The following PLEKHF2 variants were observed in gnomAD, a reference collection of about 807,000 sequenced individuals.
PLEKHF2 encodes the protein pleckstrin homology and FYVE domain containing 2, also known as pleckstrin homology domain-containing family F member 2.
PLEKHF2 carries 4 observed loss-of-function variants against 14.7 expected under a neutral mutation model. That is an observed-to-expected ratio of 0.27 (90% confidence interval 0.13 to 0.62). PLEKHF2 has a LOEUF of 0.62. PLEKHF2 is among the 20% of genes least tolerant of loss of function. The probability of loss-of-function intolerance (pLI) is 0.85; values close to 1 mark genes in which losing one functional copy is unlikely to be tolerated. For missense variants in PLEKHF2, 201 were observed against 307.7 expected, an observed-to-expected ratio of 0.65 and a Z score of 2.60; for synonymous variants, 90 against 103.5, an observed-to-expected ratio of 0.87 and a Z score of 0.79.
intron 1 of PLEKHF2, chr8:95,134,480 A>G (rs1407582205): frequency 6.6e-6 from 1 of 152,088 alleles, no homozygotes; most frequent in Non-Finnish European, 1.5e-5. Flanking sequence ...CTGGCCGAAA[A>G]GTTTGCAGGG....
rs750958489 is a variant in PLEKHF2, at chr8:95,154,285, C to T, written c.241C>T (p.Pro81Ser). 30 of 1,613,748 alleles carry T rather than the reference C, an allele frequency of 1.9e-5. No individual in the cohort carries two copies. Among genetic ancestry groups the T allele is most frequent in the Non-Finnish European group, 2.5e-5 (30 of 1,179,880 alleles). ...AAAATATAACAAACAACATATTATT[C>T]CCCTGGAAAATGTCACTATTGATTC... ...KKKYNKQHIIPLENVTIDSIK... is the reference protein window; with the variant it reads ...KKKYNKQHIISLENVTIDSIK... The change falls in exon 2 of 2, where the codon CCC becomes TCC. Residue 81 changes from proline (P) to serine (S), a missense_variant. Transcript: ENST00000315367. The surrounding 1 kb of genome is among the most constrained non-coding windows in gnomAD (Gnocchi z 5.6).
chr8:95,143,667 C>T (rs1810461241), intron 1 of PLEKHF2, among the ~76,000 whole-genome samples: 1 of 152,000 alleles, frequency 6.6e-6, no homozygotes, highest in African/African-American at 2.4e-5. Flanking sequence ...GAAAGAAGCC[C>T]AGAGCATATT....
rs534843011 is a variant in PLEKHF2, at chr8:95,137,121, T to G, written c.-15+3091T>G. Among the ~76,000 whole-genome samples the G allele has an allele frequency of 2.0e-5, 3 of 152,374 alleles. No individual in the cohort carries two copies. In the South Asian group the frequency reaches 6.2e-4, roughly 32 times the overall value. On this transcript the variant is annotated intron_variant, in intron 1 of 1. Transcript: ENST00000315367. Reference sequence around the variant, plus strand: ...ACCTTGTCCTGACTCAGCTCCTTGCTGGCTTGTGACTCTTGAACAAGCCGC... The same window carrying G: ...ACCTTGTCCTGACTCAGCTCCTTGCGGGCTTGTGACTCTTGAACAAGCCGC...
Position 95,148,196 on chromosome 8 carries a change from AAAGT to A in PLEKHF2, c.-14-5834_-14-5831del, listed in dbSNP as rs1260954758. Among the ~76,000 whole-genome samples the A allele has an allele frequency of 3.1e-5, 4 of 129,094 alleles. 1 individual carries two copies. The South Asian group carries it at 9.5e-4, about 31-fold the overall frequency. 84.7% of individuals were successfully genotyped at this position (129,094 alleles called of 152,430 possible). A position where few individuals can be genotyped will look rare whatever the true frequency, so the allele number is the denominator to read the frequency against. Reference sequence around the variant, plus strand: ...ATAAGTTTTTATAAAGCTTTCTCTTAAAGTTTTTTTTAAAACTACCCCTTTATTC... The same window carrying A: ...ATAAGTTTTTATAAAGCTTTCTCTTATTTTTTTAAAACTACCCCTTTATTC... On this transcript the variant is annotated intron_variant, in intron 1 of 1. Transcript: ENST00000315367.
intron 1 of PLEKHF2, among the ~76,000 whole-genome samples, chr8:95,148,564 G>A (rs568916132): frequency 6.6e-6 from 1 of 152,146 alleles, no homozygotes; most frequent in Non-Finnish European, 1.5e-5. Flanking sequence ...AATTTAATAC[G>A]AGAGTGACAT....
At chr8:95,143,014 G>A (rs990433102) in intron 1 of PLEKHF2, among the ~76,000 whole-genome samples, 2 of 151,922 alleles carry the variant, frequency 1.3e-5, no homozygotes, top group African/African-American at 2.4e-5. Context: ...TCAGTTCAGT[G>A]CACATTGGCA....
At chr8:95,144,637 C>A (rs762755222) in intron 1 of PLEKHF2, among the ~76,000 whole-genome samples, 10 of 151,978 alleles carry the variant, frequency 6.6e-5, no homozygotes, top group Non-Finnish European at 1.2e-4. Context: ...GAAGCCGAGG[C>A]GGGTGGATCA....
At chr8:95,134,498 G>T (rs1810354475) in intron 1 of PLEKHF2, among the ~76,000 whole-genome samples, 1 of 152,184 alleles carries the variant, frequency 6.6e-6, no homozygotes, top group Admixed American at 6.5e-5. Context: ...GGGTCTGCGT[G>T]TCGGGGACCT....
chr8:95,144,692 C>A (rs913124646), intron 1 of PLEKHF2, among the ~76,000 whole-genome samples: 1 of 151,954 alleles, frequency 6.6e-6, no homozygotes. Context: ...CATGATGAAA[C>A]CTTGTCTCTA....
At chr8:95,153,655 A>G (rs561846853) in intron 1 of PLEKHF2, among the ~76,000 whole-genome samples, 10 of 152,274 alleles carry the variant, frequency 6.6e-5, no homozygotes, top group Non-Finnish European at 1.3e-4. Flanking sequence ...TTTATGTAAC[A>G]TTTTGTTCCC....
rs1264130683 is a variant in PLEKHF2 at position 95,154,154 on chromosome 8, T to C, written c.110T>C (p.Ile37Thr). 1.2e-6 allele frequency: 2 copies of C among 1,613,874 alleles called. No homozygotes were observed. The highest frequency in any genetic ancestry group is 1.7e-6 in the Non-Finnish European group (2 of 1,179,940). Residue 37 changes from isoleucine to threonine, a missense_variant, in exon 2 of 2, where the codon ATT (isoleucine) becomes ACT (threonine). Coordinates refer to ENST00000315367, the MANE Select transcript of PLEKHF2 (RefSeq NM_024613.4). The surrounding 1 kb of genome is among the most constrained non-coding windows in gnomAD (Gnocchi z 5.6). ...QPLTIPGRVLIGEGVLTKLCR... is the reference protein window; with the variant it reads ...QPLTIPGRVLTGEGVLTKLCR... ...TTAACTATACCTGGACGAGTTCTTATTGGAGAAGGAGTATTGACTAAGTTG... is the reference window on the plus strand; with the variant it reads ...TTAACTATACCTGGACGAGTTCTTACTGGAGAAGGAGTATTGACTAAGTTG...
chr8:95,154,811 A>G lies in PLEKHF2; in HGVS notation c.*17A>G. ...AGTGACTAAGGACACATTTGGGAGTATTTAATCAGGTGTGGCTATCTGAGA... is the reference window on the plus strand; with the variant it reads ...AGTGACTAAGGACACATTTGGGAGTGTTTAATCAGGTGTGGCTATCTGAGA... On this transcript the variant is annotated 3_prime_UTR_variant, in exon 2 of 2. Coordinates refer to ENST00000315367, the MANE Select transcript of PLEKHF2 (RefSeq NM_024613.4). The surrounding 1 kb of genome is among the most constrained non-coding windows in gnomAD (Gnocchi z 5.6). The G allele has an allele frequency of 6.2e-7, 1 of 1,608,954 alleles. No individual in the cohort carries two copies. Among genetic ancestry groups the G allele is most frequent in the Non-Finnish European group, 8.5e-7 (1 of 1,175,824 alleles).
intron 1 of PLEKHF2, among the ~76,000 whole-genome samples, chr8:95,141,588 C>T (rs576337850): frequency 3.3e-5 from 5 of 152,092 alleles, no homozygotes; most frequent in East Asian, 1.9e-4. Flanking sequence ...TGCAGTGGCA[C>T]GATCTTGGCT....
chr8:95,138,089 T>A (rs1810395713), intron 1 of PLEKHF2, among the ~76,000 whole-genome samples: 1 of 152,090 alleles, frequency 6.6e-6, no homozygotes, highest in Admixed American at 6.6e-5. Context: ...GTTTTCTACC[T>A]TTGTCCCTGC....
intron 1 of PLEKHF2, among the ~76,000 whole-genome samples, chr8:95,145,252 C>G (rs952032793): frequency 2.6e-5 from 4 of 152,018 alleles, no homozygotes; most frequent in Non-Finnish European, 5.9e-5. Context: ...AAAGTTTTGT[C>G]TTACCAAAGA....
intron 1 of PLEKHF2, among the ~76,000 whole-genome samples, chr8:95,141,945 T>C (rs1168659786): frequency 6.6e-6 from 1 of 152,190 alleles, no homozygotes; most frequent in Admixed American, 6.5e-5. Flanking sequence ...CTGTTTTCAG[T>C]GTTCAAATGC....
chr8:95,137,731 A>G (rs977035222), intron 1 of PLEKHF2, among the ~76,000 whole-genome samples: 4 of 152,188 alleles, frequency 2.6e-5, no homozygotes, highest in African/African-American at 9.6e-5. Flanking sequence ...TCTGGCCAGA[A>G]TGGCCACATT....
At chr8:95,141,964 C>T (rs1193499282) in intron 1 of PLEKHF2, among the ~76,000 whole-genome samples, 1 of 152,178 alleles carries the variant, frequency 6.6e-6, no homozygotes, top group Non-Finnish European at 1.5e-5. Flanking sequence ...GCTGTATTCT[C>T]TGTGCCATGC....
intron 1 of PLEKHF2, among the ~76,000 whole-genome samples, chr8:95,134,525 T>C (rs910320745): frequency 1.3e-5 from 2 of 152,194 alleles, no homozygotes; most frequent in Admixed American, 6.5e-5. Flanking sequence ...CTGAACTACA[T>C]ATTTGTATGT....
Sources: allele counts gnomAD v4.1 joint callset (sites outside exome capture counted in the v4.1 genomes callset), GRCh38; gene constraint gnomAD v4.1.1; non-coding constraint Gnocchi (gnomAD v3.1); transcripts MANE v1.5; gene names NCBI Gene and HGNC (gene_info 2026-07-23, HGNC 2026-07-21).